Variants in ADAR observed in about 807,000 individuals in gnomAD.
ADAR encodes adenosine deaminase RNA specific, also known as double-stranded RNA-specific adenosine deaminase.
A neutral mutation model predicts 113.2 loss-of-function variants in ADAR; 41 were observed. That is an observed-to-expected ratio of 0.36 (90% CI 0.28 to 0.47). The LOEUF (loss-of-function observed/expected upper bound fraction) is 0.47. Ranked by LOEUF, ADAR falls within the 20% of genes least tolerant of loss-of-function variation. ADAR has a pLI of 1.00. For synonymous variants in ADAR, 605 were observed against 572.6 expected (o/e 1.06, Z -0.81); for missense variants, 1,242 against 1,540.9 (o/e 0.81, Z 3.25).
chr1:154,592,014 C>T (rs1571073040), intron 6 of ADAR, among the ~76,000 whole-genome samples: 1 of 152,156 alleles, frequency 6.6e-6, no homozygotes, highest in Non-Finnish European at 1.5e-5. Flanking sequence ...TGAACTCTTA[C>T]GTGCAAAGTT....
At chr1:154,627,913 GACCCTCCCCCC>G (rs750781715) in exon 1 of ADAR, 4 of 517,204 alleles carry the variant, frequency 7.7e-6, no homozygotes, top group Admixed American at 1.9e-5. Flanking sequence ...GTGCGGCCGC[GACCCTCCCCCC>G]ACCCTCCCCC....
chr1:154,616,219 C>A (rs573800816), intron 1 of ADAR, among the ~76,000 whole-genome samples: 5 of 152,182 alleles, frequency 3.3e-5, no homozygotes, highest in Admixed American at 2.0e-4. Flanking sequence ...CTGCAGGAAT[C>A]TTTTATGCAT....
Position 154,608,186 on chromosome 1 carries a change from C to T in ADAR, c.-180G>A. 1 of 712,968 alleles carries T rather than the reference C, an allele frequency of 1.4e-6. No individual in the cohort carries two copies. 44.2% of individuals were successfully genotyped at this position (712,968 alleles called of 1,614,324 possible). ...CGCCGGGCCCAAGATGGCTCCGGTT[C>T]AATTTCGCTTTCGTTTCCTCGGAAA... On this transcript the variant is annotated 5_prime_UTR_variant, in exon 1 of 15. Coordinates refer to ENST00000368474, the MANE Select transcript of ADAR (RefSeq NM_001111.5).
At chr1:154,615,035 G>A (rs1314617946) in intron 1 of ADAR, among the ~76,000 whole-genome samples, 1 of 152,238 alleles carries the variant, frequency 6.6e-6, no homozygotes, top group Non-Finnish European at 1.5e-5. Flanking sequence ...GAGCGACGCA[G>A]CCGCAACACA....
At chr1:154,613,144 C>T (rs1304346705), upstream of ADAR, among the ~76,000 whole-genome samples, 1 of 152,012 alleles carries the variant, frequency 6.6e-6, no homozygotes, top group Non-Finnish European at 1.5e-5. Context: ...ACAGTAGCCT[C>T]CCACAGTAAA....
intron 13 of ADAR, 122 bp from the exon 14 acceptor site, chr1:154,585,466 G>A (rs960537834): frequency 1.4e-5 from 20 of 1,475,038 alleles, no homozygotes; most frequent in African/African-American, 4.2e-5. Context: ...CCTGTATTTA[G>A]GGTTCTGTTT....
upstream of ADAR, among the ~76,000 whole-genome samples, chr1:154,613,118 T>A (rs73001418): frequency 0.074 from 11,209 of 151,904 alleles, 471 homozygotes; most frequent in East Asian, 0.21. Flanking sequence ...TCCCTCAACA[T>A]TAATTTCCAA....
At chr1:154,593,043 G>C (rs11264223) in intron 6 of ADAR, among the ~76,000 whole-genome samples, 4 of 146,452 alleles carry the variant, frequency 2.7e-5, no homozygotes, top group Non-Finnish European at 5.9e-5. Context: ...GCTGAGGCAA[G>C]AGAATTGTTT....
chr1:154,627,913 G>GCCCCCCCCCC, exon 1 of ADAR: 2 of 517,174 alleles, frequency 3.9e-6, no homozygotes, highest in South Asian at 2.8e-5. Flanking sequence ...GTGCGGCCGC[G>GCCCCCCCCCC]ACCCTCCCCC....
chr1:154,597,719 A>G, intron 4 of ADAR, 109 bp downstream of exon 4: 8 of 1,458,184 alleles, frequency 5.5e-6, no homozygotes, highest in South Asian at 2.3e-5. Context: ...CCCCATTTTG[A>G]AACAGGAGAA....
chr1:154,597,067 T>C, intron 5 of ADAR, 56 bp downstream of exon 5: 1 of 1,614,142 alleles, frequency 6.2e-7, no homozygotes, highest in Non-Finnish European at 8.5e-7. Flanking sequence ...CTGGCAATCT[T>C]AAACCACTCA....
chr1:154,613,053 C>T (rs1162692436), upstream of ADAR, among the ~76,000 whole-genome samples: 4 of 151,728 alleles, frequency 2.6e-5, no homozygotes, highest in Admixed American at 6.6e-5. Flanking sequence ...CTTCGTGATC[C>T]GCCTGCCTCG....
At chr1:154,591,732 G>A (rs1173729575) in intron 6 of ADAR, among the ~76,000 whole-genome samples, 1 of 152,244 alleles carries the variant, frequency 6.6e-6, no homozygotes, top group Non-Finnish European at 1.5e-5. Flanking sequence ...TCAAGACTTA[G>A]CAGCTCAGGC....
At chr1:154,622,583 A>G (rs765328110) in intron 1 of ADAR, among the ~76,000 whole-genome samples, 2 of 152,240 alleles carry the variant, frequency 1.3e-5, no homozygotes, top group South Asian at 2.1e-4. Flanking sequence ...ATCAAAGTTC[A>G]GAAAAGTTTG....
chr1:154,594,177 C>T (rs1390346225), intron 6 of ADAR, among the ~76,000 whole-genome samples: 1 of 152,010 alleles, frequency 6.6e-6, no homozygotes, highest in Non-Finnish European at 1.5e-5. Flanking sequence ...CCACTGCGCC[C>T]GGCTGACATT....
rs556424333 is a variant in ADAR, at chr1:154,585,077, G to C, written c.3444-34C>G. 1.5e-5 allele frequency: 24 copies of C among 1,611,812 alleles called. No homozygotes were observed. In the South Asian group the frequency reaches 2.4e-4, roughly 16 times the overall value. ...ACAAAAGCACTCATTATTCACCTGGGACCTGTAAGATAAGGAGCTCACAGT... is the reference window on the plus strand; with the variant it reads ...ACAAAAGCACTCATTATTCACCTGGCACCTGTAAGATAAGGAGCTCACAGT... On this transcript the variant is annotated intron_variant, in intron 14 of 14. Coordinates refer to ENST00000368474, the MANE Select transcript of ADAR (RefSeq NM_001111.5).
At chr1:154,588,064 T>G in intron 11 of ADAR, 61 bp downstream of exon 11, 1 of 1,608,004 alleles carries the variant, frequency 6.2e-7, no homozygotes, top group Non-Finnish European at 8.5e-7. Context: ...TGTAGAGACT[T>G]GGGGTCCCTG....
Position 154,584,844 on chromosome 1 carries a change from G to T in ADAR, c.3643C>A (p.Pro1215Thr). ...AGATAAAAGTTCTTTTCCTCCTGGG[G>T]TTTGCTAATCCAGTTCCCATAGCCC... is the stretch of plus-strand genomic sequence containing the variant. ...DMGYGNWISK[P>T]QEEKNFYLCP... The change falls in exon 15 of 15, where the codon CCC becomes ACC. Residue 1215 changes from proline to threonine, a missense_variant. Coordinates refer to ENST00000368474, the MANE Select transcript of ADAR (RefSeq NM_001111.5). 1 of 1,614,068 alleles carries T rather than the reference G, an allele frequency of 6.2e-7. No homozygotes were observed. Among genetic ancestry groups the T allele is most frequent in the Non-Finnish European group, 8.5e-7 (1 of 1,180,008 alleles).
Position 154,585,832 on chromosome 1 carries a change from G to C in ADAR, c.3236C>G (p.Ala1079Gly). The C allele has an allele frequency of 6.2e-7, 1 of 1,614,110 alleles. No homozygotes were observed. Among genetic ancestry groups the C allele is most frequent in the Non-Finnish European group, 8.5e-7 (1 of 1,179,974 alleles). Residue 1079 changes from alanine (A) to glycine (G), a missense_variant, in exon 13 of 15, where the codon GCT (alanine) becomes GGT (glycine). By Grantham distance (60) the Ala-to-Gly change is moderately conservative. Coordinates refer to ENST00000368474, the MANE Select transcript of ADAR (RefSeq NM_001111.5). ...YLFSQGHLTR[A>G]ICCRVTRDGS... ...ATCTCTTGTCACACGACAGCAAATA[G>C]CACGGGTCAGATGCCCTTGGCTGAA...
Sources: allele counts gnomAD v4.1 joint callset (sites outside exome capture counted in the v4.1 genomes callset), GRCh38; gene constraint gnomAD v4.1.1; transcripts MANE v1.5; gene names NCBI Gene and HGNC (gene_info 2026-07-23, HGNC 2026-07-21).